The following PHF20 variants were observed in gnomAD, a reference collection of about 807,000 sequenced individuals.
PHF20 encodes the protein glioma-expressed antigen 2.
Under a neutral mutation model 113.5 loss-of-function variants are expected in PHF20, and 23 were observed. That is an observed-to-expected ratio of 0.20 (90% CI 0.15 to 0.29). The LOEUF is 0.29. PHF20 is among the 10% of genes least tolerant of loss of function. The pLI is 1.00. For missense variants in PHF20, 943 were observed against 1,219.6 expected (o/e 0.77, Z 3.38); for synonymous variants, 434 against 457.3 (o/e 0.95, Z 0.65).
intron 9 of PHF20, among the ~76,000 whole-genome samples, chr20:35,895,031 C>CTT (rs796808393): frequency 2.0e-5 from 3 of 148,646 alleles, no homozygotes; most frequent in Non-Finnish European, 4.5e-5. Context: ...TTTTCTTCTT[C>CTT]TTTTTTTTTT....
At chr20:35,814,892 A>AT (rs1555789379) in intron 2 of PHF20, among the ~76,000 whole-genome samples, 252 of 110,248 alleles carry the variant, frequency 2.3e-3, no homozygotes, top group African/African-American at 8.1e-3. Flanking sequence ...AAAAAAAAAT[A>AT]AAATAAATAA....
chr20:35,911,981 CTT>C (rs769872982), intron 10 of PHF20, among the ~76,000 whole-genome samples: 4 of 128,320 alleles, frequency 3.1e-5, no homozygotes, highest in Non-Finnish European at 3.4e-5. Context: ...TTCTTTCTTT[CTT>C]TTTTTTTTTT....
At chr20:35,868,904 A>G (rs1020520804) in intron 6 of PHF20, among the ~76,000 whole-genome samples, 1 of 152,166 alleles carries the variant, frequency 6.6e-6, no homozygotes, top group African/African-American at 2.4e-5. Flanking sequence ...CAGCCTGACC[A>G]ACATGGGGAA....
intron 16 of PHF20, among the ~76,000 whole-genome samples, chr20:35,939,483 G>A (rs553846046): frequency 2.3e-4 from 35 of 152,298 alleles, no homozygotes; most frequent in Admixed American, 1.6e-3. Flanking sequence ...CAAACAATGA[G>A]TCAAATGTTT....
rs535417931 is a variant in PHF20, at chr20:35,793,767, G to A, written c.-32-7724G>A. ...AATCGCAGCACTTTGGGAGGCTGAG[G>A]TTGGTGGATCACTGGAGGTCAGGAG... On this transcript the variant is annotated intron_variant, in intron 1 of 17. Transcript: ENST00000374012. Among the ~76,000 whole-genome samples, 5 of 150,740 alleles carry A rather than the reference G, an allele frequency of 3.3e-5. No individual in the cohort carries two copies. In the South Asian group the frequency reaches 1.0e-3, roughly 32 times the overall value.
In PHF20 at chr20:35,949,950, G is replaced by GGCTGAAGCAGGAGAGGT. The variant is rs1183016001; in HGVS notation, c.*2328_*2344dup. 6.6e-6 allele frequency: 1 copy of GGCTGAAGCAGGAGAGGT among 152,392 alleles called. No individual in the cohort carries two copies. The highest frequency in any genetic ancestry group is 2.4e-5 in the African/African-American group (1 of 41,438). 9.4% of individuals were successfully genotyped at this position (152,392 alleles called of 1,614,324 possible). The stretch of plus-strand genomic sequence containing the variant: ...CGCCTGTAATCTCAGCTACTTGGGA[G>GGCTGAAGCAGGAGAGGT]GCTGAAGCAGGAGAGGTGCTGGAAC... On this transcript the variant is annotated 3_prime_UTR_variant, in exon 18 of 18. Coordinates refer to ENST00000374012, the MANE Select transcript of PHF20 (RefSeq NM_016436.5).
At chr20:35,779,042 T>G (rs989561426) in intron 1 of PHF20, among the ~76,000 whole-genome samples, 1 of 151,872 alleles carries the variant, frequency 6.6e-6, no homozygotes, top group African/African-American at 2.4e-5. Context: ...TTTTGTTTTT[T>G]GTTTTTTTTT....
At chr20:35,940,589 G>T (rs914763927) in intron 16 of PHF20, among the ~76,000 whole-genome samples, 1 of 152,184 alleles carries the variant, frequency 6.6e-6, no homozygotes, top group Admixed American at 6.5e-5. Flanking sequence ...GGCTCTGGAA[G>T]CCATTCTGTG....
chr20:35,854,688 C>A (rs1217217031), intron 4 of PHF20, among the ~76,000 whole-genome samples: 1 of 152,144 alleles, frequency 6.6e-6, no homozygotes, highest in Non-Finnish European at 1.5e-5. Context: ...CATCCCTTAG[C>A]ACCTTTGGCC....
At chr20:35,931,570 A>G in intron 15 of PHF20, 126 bp downstream of exon 15, 1 of 642,630 alleles carries the variant, frequency 1.6e-6, no homozygotes, top group South Asian at 2.8e-5. Context: ...ACCTTTACTA[A>G]AAATTATCAG....
intron 2 of PHF20, among the ~76,000 whole-genome samples, chr20:35,841,833 T>TAAAATTGCTTATAAATGCTTA (rs1555792301): frequency 6.6e-6 from 1 of 152,116 alleles, no homozygotes; most frequent in Non-Finnish European, 1.5e-5. Context: ...TTATAAATGC[T>TAAAATTGCTTATAAATGCTTA]TAAAATTGAG....
intron 9 of PHF20, among the ~76,000 whole-genome samples, chr20:35,877,615 T>C (rs1443886548): frequency 1.3e-5 from 2 of 151,448 alleles, no homozygotes; most frequent in Non-Finnish European, 2.9e-5. Context: ...TCTCACTCTT[T>C]TGCCCACGCT....
chr20:35,923,771 A>T (rs1332666520), intron 13 of PHF20, among the ~76,000 whole-genome samples: 1 of 152,196 alleles, frequency 6.6e-6, no homozygotes, highest in Non-Finnish European at 1.5e-5. Flanking sequence ...TCCTATTTTG[A>T]GACAGGATCT....
Position 35,913,302 on chromosome 20 carries a change from G to A in PHF20, c.1615G>A (p.Val539Met). ...KEKKFKEFVR[V>M]KPKKKKKKKK... ...GAAGAAATTCAAGGAGTTTGTGAGA[G>A]TGAAGCCAAAGAAGAAAAAGAAAAA... Residue 539 changes from valine to methionine, a missense_variant, in exon 11 of 18, where the codon GTG becomes ATG. Coordinates refer to ENST00000374012, the MANE Select transcript of PHF20 (RefSeq NM_016436.5). 2 of 1,603,746 alleles carry A rather than the reference G, an allele frequency of 1.2e-6. No individual in the cohort carries two copies. The highest frequency in any genetic ancestry group is 4.5e-5 in the East Asian group (2 of 44,782).
At chr20:35,793,647 G>T (rs907238772) in intron 1 of PHF20, among the ~76,000 whole-genome samples, 5 of 151,758 alleles carry the variant, frequency 3.3e-5, no homozygotes, top group Non-Finnish European at 5.9e-5. Context: ...TTTCCATGTC[G>T]CTGGTTCACA....
intron 1 of PHF20, among the ~76,000 whole-genome samples, chr20:35,785,635 A>C (rs1005707178): frequency 2.0e-5 from 3 of 152,066 alleles, no homozygotes; most frequent in Non-Finnish European, 4.4e-5. Context: ...AAGGGAATTA[A>C]TGAATTGTCT....
chr20:35,922,375 C>T (rs752396543), intron 13 of PHF20, among the ~76,000 whole-genome samples: 3 of 152,192 alleles, frequency 2.0e-5, no homozygotes, highest in African/African-American at 7.2e-5. Context: ...TATTCACCAT[C>T]TAATTAGGAA....
At chr20:35,927,540 G>A (rs1204475840) in intron 13 of PHF20, among the ~76,000 whole-genome samples, 4 of 152,162 alleles carry the variant, frequency 2.6e-5, no homozygotes, top group Non-Finnish European at 4.4e-5. Flanking sequence ...CTGAGGAACT[G>A]AATTTTTAGC....
At position 35,927,890 on chromosome 20, in the gene PHF20, C is replaced by T; in HGVS notation, c.2104+11C>T. On this transcript the variant is annotated intron_variant, in intron 14 of 17. Coordinates refer to ENST00000374012, the MANE Select transcript of PHF20 (RefSeq NM_016436.5). ...GCCAAGACCCTCCAGGTAGAGATTT[C>T]TGGAGTCAGGGATATAACAGTATGT... 6.3e-7 allele frequency: 1 copy of T among 1,582,110 alleles called. No homozygotes were observed. Among genetic ancestry groups the T allele is most frequent in the Non-Finnish European group, 8.7e-7 (1 of 1,150,784 alleles).
Sources: gnomAD v4.1 joint callset for allele counts (sites outside exome capture counted in the v4.1 genomes callset) on GRCh38, gnomAD v4.1.1 for gene constraint, MANE v1.5 for transcripts, NCBI Gene and HGNC (gene_info 2026-07-23, HGNC 2026-07-21) for gene names.